The following ITGB8 variants were observed in gnomAD, a reference collection of about 807,000 sequenced individuals.
ITGB8 encodes integrin beta-8.
ITGB8 carries 30 observed loss-of-function variants against 89.5 expected under a neutral mutation model. That is an observed-to-expected ratio of 0.34 (90% CI 0.25 to 0.45). The LOEUF (loss-of-function observed/expected upper bound fraction) is 0.45, where lower values mean the gene tolerates loss of function less well. Ranked by LOEUF, ITGB8 falls within the 20% of genes least tolerant of loss-of-function variation. The probability of loss-of-function intolerance (pLI) is 1.00; values close to 1 mark genes in which losing one functional copy is unlikely to be tolerated. For missense variants in ITGB8, 836 were observed against 933.3 expected, an observed-to-expected ratio of 0.90 and a Z score of 1.36; for synonymous variants, 335 against 320.4, an observed-to-expected ratio of 1.05 and a Z score of -0.49.
intron 7 of ITGB8, among the ~76,000 whole-genome samples, chr7:20,393,510 C>T (rs908025203): frequency 5.3e-5 from 8 of 152,184 alleles, no homozygotes; most frequent in Admixed American, 3.9e-4. Flanking sequence ...ACAAGTGTGA[C>T]CACAGTACTC....
rs1472683902 is a variant in ITGB8 at position 20,331,594 on chromosome 7, G to A, written c.-213G>A. 6.1e-6 allele frequency: 3 copies of A among 491,512 alleles called. No homozygotes were observed. The highest frequency in any genetic ancestry group is 2.0e-5 in the African/African-American group (1 of 49,546). 30.4% of individuals were successfully genotyped at this position (491,512 alleles called of 1,614,324 possible). A position where few individuals can be genotyped will look rare whatever the true frequency, so the allele number is the denominator to read the frequency against. On this transcript the variant is annotated 5_prime_UTR_variant, in exon 1 of 14. Transcript: ENST00000222573. ...CGGAGACCGCGGGACCCGCCGTGCC[G>A]AGCCGGGAGGGCCGCAGGGGCCCTG...
intron 3 of ITGB8, among the ~76,000 whole-genome samples, chr7:20,369,969 A>G (rs1785859846): frequency 6.6e-6 from 1 of 152,026 alleles, no homozygotes; most frequent in African/African-American, 2.4e-5. Flanking sequence ...CACAACTTTA[A>G]GTGCTTTTAT....
At chr7:20,334,259 A>C (rs1784504915) in intron 1 of ITGB8, among the ~76,000 whole-genome samples, 1 of 152,200 alleles carries the variant, frequency 6.6e-6, no homozygotes, top group African/African-American at 2.4e-5. Context: ...AAATAATAGC[A>C]CTGTAAAATG....
intron 1 of ITGB8, among the ~76,000 whole-genome samples, chr7:20,348,346 T>A (rs568830070): frequency 1.3e-5 from 2 of 152,332 alleles, no homozygotes; most frequent in South Asian, 4.1e-4. Context: ...CCTCAGATAA[T>A]CAGATGTTGC....
chr7:20,345,226 T>C (rs1485450273), intron 1 of ITGB8, among the ~76,000 whole-genome samples: 5 of 152,150 alleles, frequency 3.3e-5, no homozygotes, highest in Non-Finnish European at 7.3e-5. Flanking sequence ...GACATTGTAA[T>C]CCAATAAATT....
chr7:20,331,771 G>T lies in ITGB8; in HGVS notation c.-36G>T. 1 of 1,597,526 alleles carries T rather than the reference G, an allele frequency of 6.3e-7. No individual in the cohort carries two copies. Among genetic ancestry groups the T allele is most frequent in the African/African-American group, 1.4e-5 (1 of 73,854 alleles). ...GGCGCGAGCCCGCGTCCGGAAGGCA[G>T]TCAGGCGGCGGGCGCGGGGCGGGCT... is the stretch of plus-strand genomic sequence containing the variant. On this transcript the variant is annotated 5_prime_UTR_variant, in exon 1 of 14. Coordinates refer to ENST00000222573, the MANE Select transcript of ITGB8 (RefSeq NM_002214.3).
At position 20,413,031 on chromosome 7, in the gene ITGB8, A is replaced by G. The variant is rs1787817354; in HGVS notation, c.*3034A>G. Reference sequence around the variant, plus strand: ...GTAATGATTTATAAATGTGCCATACATACACTACAACATAACATTTGCTTT... The same window carrying G: ...GTAATGATTTATAAATGTGCCATACGTACACTACAACATAACATTTGCTTT... On this transcript the variant is annotated 3_prime_UTR_variant, in exon 14 of 14. Coordinates refer to ENST00000222573, the MANE Select transcript of ITGB8 (RefSeq NM_002214.3). The G allele has an allele frequency of 6.6e-6, 1 of 152,296 alleles. No individual in the cohort carries two copies. 9.4% of individuals were successfully genotyped at this position (152,296 alleles called of 1,614,324 possible). A position where few individuals can be genotyped will look rare whatever the true frequency, so the allele number is the denominator to read the frequency against.
At chr7:20,380,574 C>G in intron 4 of ITGB8, 92 bp from the exon 5 acceptor site, 3 of 1,052,352 alleles carry the variant, frequency 2.9e-6, no homozygotes, top group Non-Finnish European at 4.3e-6. Flanking sequence ...GAAGTACTCC[C>G]TTTTCACACA....
chr7:20,378,709 T>C (rs1400483727), intron 3 of ITGB8, among the ~76,000 whole-genome samples: 6 of 152,158 alleles, frequency 3.9e-5, no homozygotes, highest in Non-Finnish European at 5.9e-5. Context: ...ACTGTGTTTT[T>C]CTAGCTACTA....
chr7:20,369,757 A>G (rs1274668048), intron 3 of ITGB8, among the ~76,000 whole-genome samples: 1 of 152,246 alleles, frequency 6.6e-6, no homozygotes, highest in Non-Finnish European at 1.5e-5. Flanking sequence ...ATATGCCAAT[A>G]TCTACAAGCA....
At chr7:20,403,981 C>A (rs571154937) in intron 10 of ITGB8, among the ~76,000 whole-genome samples, 2 of 152,170 alleles carry the variant, frequency 1.3e-5, no homozygotes, top group Non-Finnish European at 2.9e-5. Flanking sequence ...TAATGTTCCC[C>A]CACCACACAC....
rs1203689117 is a variant in ITGB8 at position 20,411,976 on chromosome 7, T to A, written c.*1979T>A. ...TAGGAGTCTAACAGTCCTGTGTGGA[T>A]ATACAGTTTTGCCCATGACAACAAA... On this transcript the variant is annotated 3_prime_UTR_variant, in exon 14 of 14. Transcript: ENST00000222573. 1.3e-5 allele frequency: 2 copies of A among 152,652 alleles called. No individual in the cohort carries two copies. The highest frequency in any genetic ancestry group is 2.9e-5 in the Non-Finnish European group (2 of 68,036). The allele number at this position is 152,652 out of a possible 1,614,324, so 9.5% of individuals were successfully genotyped here. A position where few individuals can be genotyped will look rare whatever the true frequency, so the allele number is the denominator to read the frequency against.
At chr7:20,359,566 C>T (rs1785422405) in intron 1 of ITGB8, among the ~76,000 whole-genome samples, 1 of 152,170 alleles carries the variant, frequency 6.6e-6, no homozygotes, top group Middle Eastern at 3.4e-3. Flanking sequence ...ACAGACTGTC[C>T]GTGTCTGTAA....
intron 6 of ITGB8, among the ~76,000 whole-genome samples, chr7:20,383,645 G>T (rs2127964632): frequency 6.6e-6 from 1 of 152,210 alleles, no homozygotes; most frequent in African/African-American, 2.4e-5. Context: ...GGATACTATT[G>T]CTCATCTAGG....
chr7:20,380,695 A>G lies in ITGB8; in HGVS notation c.665A>G (p.His222Arg). The G allele has an allele frequency of 6.2e-7, 1 of 1,613,582 alleles. No homozygotes were observed. The highest frequency in any genetic ancestry group is 8.5e-7 in the Non-Finnish European group (1 of 1,179,556). ...TACAATTTAGACTGCATGCCTCCCC[A>G]TGGATACATCCATGTGCTGTCTTTG... ...SDYNLDCMPP[H>R]GYIHVLSLTE... Residue 222 changes from histidine (H) to arginine (R), a missense_variant, in exon 5 of 14, where the codon CAT (histidine) becomes CGT (arginine). Coordinates refer to ENST00000222573, the MANE Select transcript of ITGB8 (RefSeq NM_002214.3).
intron 6 of ITGB8, among the ~76,000 whole-genome samples, chr7:20,383,969 T>C (rs1301339788): frequency 6.6e-6 from 1 of 152,188 alleles, no homozygotes; most frequent in Admixed American, 6.5e-5. Flanking sequence ...ATTATCTTCC[T>C]AAAAATTCTC....
At chr7:20,394,379 A>C (rs546756770) in intron 7 of ITGB8, among the ~76,000 whole-genome samples, 1 of 152,320 alleles carries the variant, frequency 6.6e-6, no homozygotes, top group South Asian at 2.1e-4. Flanking sequence ...TACCCCATGA[A>C]GTTTCCACTT....
intron 3 of ITGB8, 93 bp from the exon 4 acceptor site, chr7:20,378,958 G>T (rs751335982): frequency 2.4e-6 from 2 of 849,282 alleles, no homozygotes; most frequent in East Asian, 2.9e-5. Flanking sequence ...TGTGATGATT[G>T]TGCTAGGTGC....
At chr7:20,406,289 ACCTGTAAT>A (rs1333251240) in intron 12 of ITGB8, 118 bp downstream of exon 12, 1 of 654,940 alleles carries the variant, frequency 1.5e-6, no homozygotes, top group Non-Finnish European at 2.7e-6. Flanking sequence ...GGTGGCTCAC[ACCTGTAAT>A]CCCAGCATTT....
Sources: allele counts gnomAD v4.1 joint callset (sites outside exome capture counted in the v4.1 genomes callset), GRCh38; gene constraint gnomAD v4.1.1; transcripts MANE v1.5; gene names NCBI Gene and HGNC (gene_info 2026-07-23, HGNC 2026-07-21).